Variants in DNM3 observed in about 807,000 individuals in gnomAD.
DNM3 encodes dynamin 3.
A neutral mutation model predicts 101.6 loss-of-function variants in DNM3; 47 were observed. The observed-to-expected ratio is 0.46, with a 90% CI of 0.37 to 0.59. The LOEUF is 0.59. DNM3 is among the 20% of genes least tolerant of loss of function. The probability of loss-of-function intolerance (pLI) is 0.00; values close to 1 mark genes in which losing one functional copy is unlikely to be tolerated. For synonymous variants in DNM3, 385 were observed against 387.9 expected, an observed-to-expected ratio of 0.99 and a Z score of 0.09; for missense variants, 849 against 1,085.7, an observed-to-expected ratio of 0.78 and a Z score of 3.06.
chr1:172,372,674 ATTTTTTTT>A (rs71107346), intron 17 of DNM3, among the ~76,000 whole-genome samples: 20 of 79,018 alleles, frequency 2.5e-4, no homozygotes, highest in African/African-American at 7.4e-4. Flanking sequence ...CTTGTAATTA[ATTTTTTTT>A]TTTTTTTTTT....
chr1:172,378,666 C>G (rs1267322912), intron 17 of DNM3, among the ~76,000 whole-genome samples: 1 of 152,012 alleles, frequency 6.6e-6, no homozygotes, highest in African/African-American at 2.4e-5. Flanking sequence ...ACATTTGCAT[C>G]ATATGTTTGG....
chr1:172,217,345 G>A (rs558944546), intron 14 of DNM3, among the ~76,000 whole-genome samples: 1 of 152,222 alleles, frequency 6.6e-6, no homozygotes, highest in African/African-American at 2.4e-5. Context: ...AAACAACATG[G>A]TTCGTGGAAA....
In DNM3 at chr1:172,164,680, C is replaced by T. The variant is rs73041209; in HGVS notation, c.1659+33392C>T. On this transcript the variant is annotated intron_variant, in intron 14 of 20. Transcript: ENST00000627582. ...GACCCTAAAGATGCCAAGCACATGA[C>T]GGTGTAAACCAGAGGGACAGCTATG... is the stretch of plus-strand genomic sequence containing the variant. 1.2e-3 allele frequency among the ~76,000 whole-genome samples: 186 copies of T among 152,036 alleles called. 1 individual carries two copies. The Middle Eastern group carries it at 0.034, about 28-fold the overall frequency.
chr1:172,248,693 A>C (rs1053624733), intron 14 of DNM3, among the ~76,000 whole-genome samples: 1 of 152,178 alleles, frequency 6.6e-6, no homozygotes, highest in Admixed American at 6.5e-5. Flanking sequence ...CAATCAGTCT[A>C]GACTTTGTAA....
rs138294007 is a variant in DNM3, at chr1:172,022,179, C to T, written c.590-10223C>T. 4.2e-3 allele frequency among the ~76,000 whole-genome samples: 639 copies of T among 152,172 alleles called. 5 individuals carry two copies. Among genetic ancestry groups the T allele is most frequent in the South Asian group, 0.017 (84 of 4,816 alleles). ...AAGTGTGATTTTCCTCTCCAAGTCTCACTCTCCTCATCTGTATGCTTGAGA... is the reference window on the plus strand; with the variant it reads ...AAGTGTGATTTTCCTCTCCAAGTCTTACTCTCCTCATCTGTATGCTTGAGA... On this transcript the variant is annotated intron_variant, in intron 4 of 20. Coordinates refer to ENST00000627582, the MANE Select transcript of DNM3 (RefSeq NM_015569.5).
chr1:172,373,192 A>G (rs2068435325), intron 17 of DNM3, among the ~76,000 whole-genome samples: 1 of 152,104 alleles, frequency 6.6e-6, no homozygotes, highest in African/African-American at 2.4e-5. Flanking sequence ...TTGAGGGACA[A>G]TGTAAATACA....
intron 2 of DNM3, among the ~76,000 whole-genome samples, chr1:171,937,835 C>T (rs1374789456): frequency 6.6e-6 from 1 of 152,140 alleles, no homozygotes; most frequent in Non-Finnish European, 1.5e-5. Context: ...TCCCAGCAAG[C>T]CTCCTAAAGT....
rs371761868 is a variant in DNM3 at position 172,001,365 on chromosome 1, G to A, written c.589+12217G>A. On this transcript the variant is annotated intron_variant, in intron 4 of 20. Transcript: ENST00000627582. Reference sequence around the variant, plus strand: ...GATATTGCTATACCCTGGCTGAACCGTTCACCCTTGAGAGACATTCACATT... The same window carrying A: ...GATATTGCTATACCCTGGCTGAACCATTCACCCTTGAGAGACATTCACATT... Among the ~76,000 whole-genome samples the A allele has an allele frequency of 1.6e-4, 24 of 152,060 alleles. No individual in the cohort carries two copies. The East Asian group carries it at 1.8e-3, about 11-fold the overall frequency.
At chr1:171,977,455 G>C (rs1267521495) in intron 2 of DNM3, among the ~76,000 whole-genome samples, 2 of 151,658 alleles carry the variant, frequency 1.3e-5, no homozygotes, top group Non-Finnish European at 2.9e-5. Flanking sequence ...GACACAAGGG[G>C]AGAAAAAAAG....
At chr1:172,263,147 T>G (rs1208053158) in intron 15 of DNM3, among the ~76,000 whole-genome samples, 1 of 152,234 alleles carries the variant, frequency 6.6e-6, no homozygotes, top group Non-Finnish European at 1.5e-5. Flanking sequence ...ACTATGTTCC[T>G]GATTTCTTCT....
chr1:172,092,980 G>A, intron 13 of DNM3, 105 bp downstream of exon 13: 2 of 1,042,708 alleles, frequency 1.9e-6, no homozygotes, highest in African/African-American at 1.7e-5. Flanking sequence ...TGCAAATTTT[G>A]CTTGAAATGC....
intron 1 of DNM3, among the ~76,000 whole-genome samples, chr1:171,911,542 C>T (rs777217777): frequency 5.3e-4 from 80 of 152,258 alleles, no homozygotes; most frequent in Admixed American, 1.2e-3. Flanking sequence ...CTCGGCCTCC[C>T]GAAGTGCTGG....
intron 17 of DNM3, among the ~76,000 whole-genome samples, chr1:172,330,496 C>A (rs2066136278): frequency 6.6e-6 from 1 of 151,726 alleles, no homozygotes; most frequent in African/African-American, 2.4e-5. Context: ...TACAAAATAC[C>A]CATGTAACAA....
intron 15 of DNM3, among the ~76,000 whole-genome samples, chr1:172,286,189 A>C (rs988604285): frequency 6.6e-6 from 1 of 152,126 alleles, no homozygotes; most frequent in Non-Finnish European, 1.5e-5. Flanking sequence ...CAGACTGGGC[A>C]GCAATTTTTC....
chr1:171,920,934 C>CA (rs2040108581), intron 1 of DNM3, among the ~76,000 whole-genome samples: 1 of 151,540 alleles, frequency 6.6e-6, no homozygotes, highest in Admixed American at 6.6e-5. Context: ...TTTATGTGTC[C>CA]TTTTTTTTAG....
At position 171,923,433 on chromosome 1, in the gene DNM3, AT is replaced by A. The variant is rs201420623; in HGVS notation, c.235+1622del. On this transcript the variant is annotated intron_variant, in intron 2 of 20. Transcript: ENST00000627582. Reference sequence around the variant, plus strand: ...GTCCCATATCAGATATTTGATTTGCATTTTTTTTTTCTATTTTATAGGCCCT... The same window carrying A: ...GTCCCATATCAGATATTTGATTTGCATTTTTTTTTCTATTTTATAGGCCCT... Among the ~76,000 whole-genome samples, 784 of 146,418 alleles carry A rather than the reference AT, an allele frequency of 5.4e-3. 8 individuals are homozygous for A. Among genetic ancestry groups the A allele is most frequent in the African/African-American group, 0.015 (619 of 40,162 alleles).
rs2062566966 is a variant in DNM3, at chr1:172,259,808, C to G, written c.1769+6126C>G. On this transcript the variant is annotated intron_variant, in intron 15 of 20. Coordinates refer to ENST00000627582, the MANE Select transcript of DNM3 (RefSeq NM_015569.5). Reference sequence around the variant, plus strand: ...CTTGATTCCTTATTGTTTTTTATATCCTTTTTTCCTTTCTTTTTCTCTCAT... The same window carrying G: ...CTTGATTCCTTATTGTTTTTTATATGCTTTTTTCCTTTCTTTTTCTCTCAT... 2.6e-5 allele frequency among the ~76,000 whole-genome samples: 4 copies of G among 151,916 alleles called. No homozygotes were observed. In the South Asian group the frequency reaches 8.3e-4, roughly 32 times the overall value.
intron 2 of DNM3, among the ~76,000 whole-genome samples, chr1:171,940,056 T>C (rs905105375): frequency 2.4e-4 from 36 of 152,180 alleles, no homozygotes; most frequent in Admixed American, 3.9e-4. Context: ...CTGAATGATA[T>C]GATCAGTGAG....
chr1:172,307,260 A>G (rs1300914721), intron 15 of DNM3, among the ~76,000 whole-genome samples: 2 of 152,228 alleles, frequency 1.3e-5, no homozygotes, highest in Non-Finnish European at 2.9e-5. Context: ...ACATTTATGC[A>G]GACACATGAA....
Sources: gnomAD v4.1 joint callset for allele counts (sites outside exome capture counted in the v4.1 genomes callset) on GRCh38, gnomAD v4.1.1 for gene constraint, MANE v1.5 for transcripts, NCBI Gene and HGNC (gene_info 2026-07-23, HGNC 2026-07-21) for gene names.